SH3BP2: variants seen among roughly 807,000 people sequenced by gnomAD.
SH3BP2 encodes the protein SH3 domain-binding protein 2.
Under a neutral mutation model 56.2 loss-of-function variants are expected in SH3BP2, and 38 were observed. The ratio of observed to expected loss-of-function variants is 0.68; its 90% confidence interval spans 0.52 to 0.89. SH3BP2 has a LOEUF of 0.89. SH3BP2 is among the 40% of genes least tolerant of loss of function. The pLI, the probability that SH3BP2 is intolerant of heterozygous loss-of-function variation, is 0.00. For missense variants in SH3BP2, 748 were observed against 762.6 expected (o/e 0.98, Z 0.23); for synonymous variants, 346 against 316.7 (o/e 1.09, Z -0.98).
Position 2,800,606 on chromosome 4 carries a change from G to A in SH3BP2, c.-5+7468G>A, listed in dbSNP as rs113289909. On this transcript the variant is annotated intron_variant, in intron 1 of 12. Transcript: ENST00000503393. ...GCACTTCACCTGGGGGCTCTGGGGA[G>A]GCTGTCTCGGGCTCCCGTGCCAGGG... is the stretch of plus-strand genomic sequence containing the variant. Among the ~76,000 whole-genome samples the A allele has an allele frequency of 4.8e-3, 731 of 152,234 alleles. 5 individuals are homozygous for A. The highest frequency in any genetic ancestry group is 0.017 in the African/African-American group (693 of 41,548).
At chr4:2,805,953 G>A (rs970895988) in intron 1 of SH3BP2, among the ~76,000 whole-genome samples, 1 of 152,216 alleles carries the variant, frequency 6.6e-6, no homozygotes, top group Admixed American at 6.5e-5. Context: ...TGTTCTGGAG[G>A]CCAGGCCCGC....
intron 1 of SH3BP2, among the ~76,000 whole-genome samples, chr4:2,813,992 G>T (rs1723879872): frequency 6.6e-6 from 1 of 152,160 alleles, no homozygotes; most frequent in Non-Finnish European, 1.5e-5. Context: ...CCACAAATGG[G>T]GCCAACCTGA....
At chr4:2,806,030 C>T (rs1305768312) in intron 1 of SH3BP2, among the ~76,000 whole-genome samples, 1 of 152,228 alleles carries the variant, frequency 6.6e-6, no homozygotes, top group East Asian at 1.9e-4. Context: ...GACACTAGAG[C>T]AAGCCCAGCA....
intron 11 of SH3BP2, 49 bp downstream of exon 11, chr4:2,832,461 C>G (rs766592076): frequency 2.4e-5 from 35 of 1,457,226 alleles, no homozygotes; most frequent in Non-Finnish European, 3.2e-5. Flanking sequence ...TCTCCACACA[C>G]CCAGGCTGTG....
chr4:2,806,350 C>G (rs577258833), intron 1 of SH3BP2, among the ~76,000 whole-genome samples: 11 of 152,256 alleles, frequency 7.2e-5, no homozygotes, highest in African/African-American at 2.2e-4. Flanking sequence ...GAGGTGGGCC[C>G]CAGCCTTGGG....
intron 1 of SH3BP2, among the ~76,000 whole-genome samples, chr4:2,805,227 A>G (rs1236248298): frequency 6.6e-6 from 1 of 152,202 alleles, no homozygotes; most frequent in Non-Finnish European, 1.5e-5. Context: ...GTCAGCAGCC[A>G]GGCTGGTGTG....
At chr4:2,830,286 C>A in intron 8 of SH3BP2, 139 bp downstream of exon 8, 1 of 788,758 alleles carries the variant, frequency 1.3e-6, no homozygotes, top group Non-Finnish European at 2.0e-6. Context: ...TAGGAAGGTT[C>A]CCGGTTGCCT....
chr4:2,805,070 A>G (rs544695388), intron 1 of SH3BP2, among the ~76,000 whole-genome samples: 1 of 152,290 alleles, frequency 6.6e-6, no homozygotes, highest in African/African-American at 2.4e-5. Context: ...AAGCACCCCC[A>G]ACCTTCACAC....
At chr4:2,820,581 A>G in intron 1 of SH3BP2, 33 bp from the exon 2 acceptor site, 3 of 1,613,974 alleles carry the variant, frequency 1.9e-6, no homozygotes, top group Non-Finnish European at 1.7e-6. Context: ...GCCTGACCGT[A>G]GCTGAGCCAC....
chr4:2,817,304 C>T (rs1396300112), intron 1 of SH3BP2, among the ~76,000 whole-genome samples: 1 of 151,910 alleles, frequency 6.6e-6, no homozygotes, highest in Non-Finnish European at 1.5e-5. Context: ...GAGGGGGTTG[C>T]CAAGAGGCAA....
At chr4:2,811,312 C>A (rs753543561) in intron 1 of SH3BP2, among the ~76,000 whole-genome samples, 5 of 152,216 alleles carry the variant, frequency 3.3e-5, no homozygotes, top group Non-Finnish European at 7.3e-5. Context: ...CCCTAGGAAG[C>A]CTGGCGGGCA....
chr4:2,827,696 G>T, intron 7 of SH3BP2, 22 bp downstream of exon 7: 1 of 1,500,342 alleles, frequency 6.7e-7, no homozygotes, highest in Non-Finnish European at 9.1e-7. Context: ...GGGTGGGCCC[G>T]GGGAGCTCTG....
rs1724498034 is a variant in SH3BP2 at position 2,824,692 on chromosome 4, A to G, written c.319A>G (p.Thr107Ala). The change falls in exon 4 of 13, where the codon ACG (threonine) becomes GCG (alanine). Residue 107 changes from threonine (T) to alanine (A), a missense_variant. Coordinates refer to ENST00000503393, the MANE Select transcript of SH3BP2 (RefSeq NM_001122681.2). ...KIIHISKKHRTWFFSASSEEE... is the reference protein window; with the variant it reads ...KIIHISKKHRAWFFSASSEEE... Reference sequence around the variant, plus strand: ...CATCCATATCAGCAAGAAGCACCGCACGTGGTTCTTCTCGGCCTCCTCCGA... The same window carrying G: ...CATCCATATCAGCAAGAAGCACCGCGCGTGGTTCTTCTCGGCCTCCTCCGA... 6.2e-7 allele frequency: 1 copy of G among 1,613,812 alleles called. No homozygotes were observed. The highest frequency in any genetic ancestry group is 8.5e-7 in the Non-Finnish European group (1 of 1,179,918).
intron 1 of SH3BP2, among the ~76,000 whole-genome samples, chr4:2,807,750 G>T (rs561642543): frequency 6.6e-6 from 1 of 152,190 alleles, no homozygotes; most frequent in African/African-American, 2.4e-5. Context: ...AGACAAGGAA[G>T]GGCAGGCCAA....
At chr4:2,824,566 C>A in intron 3 of SH3BP2, 47 bp from the exon 4 acceptor site, 1 of 1,415,120 alleles carries the variant, frequency 7.1e-7, no homozygotes, top group Non-Finnish European at 1.0e-6. Flanking sequence ...GGAAGGCCAT[C>A]CCTATAGCTG....
In SH3BP2 at chr4:2,820,524, T is replaced by C; in HGVS notation, c.-4-90T>C. ...TGGCCCTACCCTCCAAGCTGTGTCC[T>C]GGATCTTGGCAGTGTCCCCCTGAGC... On this transcript the variant is annotated intron_variant, in intron 1 of 12. Transcript: ENST00000503393. 4 of 1,526,926 alleles carry C rather than the reference T, an allele frequency of 2.6e-6. No homozygotes were observed. The Admixed American group carries it at 6.7e-5, about 26-fold the overall frequency. 94.6% of individuals were successfully genotyped at this position (1,526,926 alleles called of 1,614,324 possible).
Position 2,830,073 on chromosome 4 carries a change from G to A in SH3BP2, c.1167G>A (p.Lys389=), listed in dbSNP as rs752771498. ...TGGCTCCCCGGCCTCCTGCGCTGAA[G>A]CTGCCAGTGCCTGAGGCCATGGCGC... ...PPVAPRPPAL[K]LPVPEAMARP... The change falls in exon 8 of 13, where the codon AAG becomes AAA. Residue 389 remains lysine (K), a synonymous_variant. Transcript: ENST00000503393. 5 of 1,610,568 alleles carry A rather than the reference G, an allele frequency of 3.1e-6. No individual in the cohort carries two copies. The highest frequency in any genetic ancestry group is 4.2e-6 in the Non-Finnish European group (5 of 1,179,492).
chr4:2,800,888 C>T (rs930655014), intron 1 of SH3BP2, among the ~76,000 whole-genome samples: 4 of 152,102 alleles, frequency 2.6e-5, no homozygotes, highest in African/African-American at 4.8e-5. Context: ...AGGTGTCCGG[C>T]GAGGTAGGGC....
chr4:2,818,833 G>A (rs548710607), intron 1 of SH3BP2: 2 of 986,278 alleles, frequency 2.0e-6, no homozygotes, highest in Non-Finnish European at 2.4e-6. Context: ...GACCCAGGCC[G>A]AGGCCGGCAG....
Sources: allele counts gnomAD v4.1 joint callset (sites outside exome capture counted in the v4.1 genomes callset), GRCh38; gene constraint gnomAD v4.1.1; transcripts MANE v1.5; gene names NCBI Gene and HGNC (gene_info 2026-07-23, HGNC 2026-07-21).